The following ABTB3 variants were observed in gnomAD, a reference collection of about 807,000 sequenced individuals.
ABTB3 encodes the protein ankyrin repeat- and BTB/POZ domain-containing protein 3.
At chr12:107,357,082 G>A in the ABTB3 span, among the ~76,000 whole-genome samples, 1 of 152,220 alleles carries the variant, frequency 6.6e-6, no homozygotes, top group Non-Finnish European at 1.5e-5. Context: ...GCTTTGGGAA[G>A]TTGCTTGTGC....
At chr12:107,487,408 G>A in the ABTB3 span, among the ~76,000 whole-genome samples, 1 of 152,140 alleles carries the variant, frequency 6.6e-6, no homozygotes, top group Non-Finnish European at 1.5e-5. Context: ...ATTGGCTGCT[G>A]AGACACAAGG....
chr12:107,513,078 G>A, the ABTB3 span, among the ~76,000 whole-genome samples: 88 of 152,306 alleles, frequency 5.8e-4, no homozygotes, highest in East Asian at 4.4e-3. Flanking sequence ...ACCATATAGT[G>A]TGGCTGAGAG....
the ABTB3 span, among the ~76,000 whole-genome samples, chr12:107,348,598 C>G: frequency 6.6e-6 from 1 of 152,078 alleles, no homozygotes. Context: ...GATGGTGTGC[C>G]CCTGTAGTCC....
chr12:107,424,774 G>A, the ABTB3 span, among the ~76,000 whole-genome samples: 4 of 152,068 alleles, frequency 2.6e-5, no homozygotes, highest in African/African-American at 7.2e-5. Flanking sequence ...CTAAAACCTA[G>A]CACTCATCTC....
the ABTB3 span, among the ~76,000 whole-genome samples, chr12:107,436,200 C>T: frequency 6.6e-6 from 1 of 152,186 alleles, no homozygotes; most frequent in Non-Finnish European, 1.5e-5. Context: ...TTGTCATGTT[C>T]CTGCATTCTG....
chr12:107,600,233 A>C, the ABTB3 span, among the ~76,000 whole-genome samples: 1 of 152,312 alleles, frequency 6.6e-6, no homozygotes, highest in East Asian at 1.9e-4. Flanking sequence ...CATCACCTAC[A>C]AGCTGTGCGA....
chr12:107,543,926 T>C, the ABTB3 span: 2 of 1,605,146 alleles, frequency 1.2e-6, no homozygotes, highest in Non-Finnish European at 1.7e-6. Context: ...ATCTTCCTTC[T>C]GTCCACAGGT....
chr12:107,436,951 T>TCC, the ABTB3 span, among the ~76,000 whole-genome samples: 2 of 149,964 alleles, frequency 1.3e-5, no homozygotes, highest in East Asian at 3.9e-4. Context: ...CGCTTCTGCA[T>TCC]CCCCCCCCGC....
the ABTB3 span, among the ~76,000 whole-genome samples, chr12:107,652,204 C>T: frequency 6.6e-6 from 1 of 152,206 alleles, no homozygotes; most frequent in Non-Finnish European, 1.5e-5. Flanking sequence ...GGGAACTTGT[C>T]GGAAAGGTAC....
At chr12:107,520,684 G>T in the ABTB3 span, 1 of 1,602,396 alleles carries the variant, frequency 6.2e-7, no homozygotes, top group Non-Finnish European at 8.5e-7. Flanking sequence ...GACATATCCT[G>T]TCTGTGCCCG....
At chr12:107,561,734 C>T in the ABTB3 span, among the ~76,000 whole-genome samples, 1 of 152,088 alleles carries the variant, frequency 6.6e-6, no homozygotes, top group Admixed American at 6.5e-5. Flanking sequence ...ACCGCTCTCC[C>T]CGTTCATGTA....
At chr12:107,365,601 T>C in the ABTB3 span, among the ~76,000 whole-genome samples, 1 of 152,206 alleles carries the variant, frequency 6.6e-6, no homozygotes, top group South Asian at 2.1e-4. Flanking sequence ...GTAGGGGCTG[T>C]GCAGTAAATG....
At chr12:107,446,481 C>G in the ABTB3 span, among the ~76,000 whole-genome samples, 1 of 152,036 alleles carries the variant, frequency 6.6e-6, no homozygotes, top group Non-Finnish European at 1.5e-5. Context: ...TTCAGTGTGC[C>G]CTGCAGTGTT....
the ABTB3 span, among the ~76,000 whole-genome samples, chr12:107,523,423 A>G: frequency 6.6e-6 from 1 of 152,232 alleles, no homozygotes; most frequent in Admixed American, 6.5e-5. Context: ...ACCTTTGGCA[A>G]TGTGGTGAAA....
At chr12:107,573,758 A>C in the ABTB3 span, among the ~76,000 whole-genome samples, 1 of 152,216 alleles carries the variant, frequency 6.6e-6, no homozygotes, top group Admixed American at 6.5e-5. Flanking sequence ...TTCGACTGGC[A>C]GAATTCTCTC....
chr12:107,348,296 C>T, the ABTB3 span, among the ~76,000 whole-genome samples: 2 of 152,036 alleles, frequency 1.3e-5, no homozygotes, highest in East Asian at 1.9e-4. Context: ...CACACACACA[C>T]GCACACACAC....
chr12:107,527,232 A>G, the ABTB3 span, among the ~76,000 whole-genome samples: 1 of 151,980 alleles, frequency 6.6e-6, no homozygotes, highest in East Asian at 1.9e-4. Flanking sequence ...CTCCCCCACC[A>G]AGACTGTAAA....
At chr12:107,446,282 C>T in the ABTB3 span, among the ~76,000 whole-genome samples, 2 of 152,072 alleles carry the variant, frequency 1.3e-5, no homozygotes, top group African/African-American at 4.8e-5. Context: ...AGAACAAGGC[C>T]AGCAGCTTGT....
At chr12:107,469,455 A>T in the ABTB3 span, among the ~76,000 whole-genome samples, 1 of 152,138 alleles carries the variant, frequency 6.6e-6, no homozygotes, top group African/African-American at 2.4e-5. Context: ...TCATCCCTAA[A>T]ATGGGAACAG....
Sources: allele counts gnomAD v4.1 joint callset (sites outside exome capture counted in the v4.1 genomes callset), GRCh38; gene constraint gnomAD v4.1.1; transcripts MANE v1.5; gene names NCBI Gene and HGNC (gene_info 2026-07-23, HGNC 2026-07-21).